Variants in MINK1 observed in about 807,000 individuals in gnomAD.
MINK1 encodes the protein misshapen-like kinase 1.
Under a neutral mutation model 178.4 loss-of-function variants are expected in MINK1, and 46 were observed. The observed-to-expected ratio is 0.26, with a 90% CI of 0.20 to 0.33. MINK1 has a LOEUF of 0.33. MINK1 is among the 10% of genes least tolerant of loss of function. The pLI is 1.00. For synonymous variants in MINK1, 797 were observed against 709.7 expected, an observed-to-expected ratio of 1.12 and a Z score of -1.96; for missense variants, 1,366 against 1,814.9, an observed-to-expected ratio of 0.75 and a Z score of 4.49.
chr17:4,895,584 G>A lies in MINK1; in HGVS notation c.3229+91G>A. On this transcript the variant is annotated intron_variant, in intron 26 of 31. Transcript: ENST00000355280. The surrounding 1 kb of genome is among the most constrained non-coding windows in gnomAD (Gnocchi z 4.3). Reference sequence around the variant, plus strand: ...CCTGGGAGGAGGGCAGGCACTGGAAGGTGGGGCCACACTTTCTCACCCCTT... The same window carrying A: ...CCTGGGAGGAGGGCAGGCACTGGAAAGTGGGGCCACACTTTCTCACCCCTT... 1.9e-6 allele frequency: 3 copies of A among 1,547,674 alleles called. No individual in the cohort carries two copies. In the South Asian group the frequency reaches 3.7e-5, roughly 19 times the overall value.
intron 1 of MINK1, chr17:4,871,108 A>G (rs780989706): frequency 3.8e-5 from 13 of 340,540 alleles, no homozygotes; most frequent in Admixed American, 3.0e-4. Flanking sequence ...TCATAAGCAT[A>G]ATGTCTTCAA....
chr17:4,860,056 G>C (rs555013118), intron 1 of MINK1, among the ~76,000 whole-genome samples: 1 of 145,004 alleles, frequency 6.9e-6, no homozygotes, highest in Non-Finnish European at 1.5e-5. Flanking sequence ...CGGGGTACAG[G>C]GGGAAGGGTC....
rs780162977 is a variant in MINK1 at position 4,895,381 on chromosome 17, G to T, written c.3117G>T (p.Gly1039=). Reference sequence around the variant, plus strand: ...ACCTGCTGGTGGGCACGGAGAACGGGCTGATGTTGCTGGACCGAAGTGGGC... The same window carrying T: ...ACCTGCTGGTGGGCACGGAGAACGGTCTGATGTTGCTGGACCGAAGTGGGC... The part of the protein sequence containing the change: ...GVNLLVGTEN[G]LMLLDRSGQG... The change falls in exon 26 of 32, where the codon GGG becomes GGT. Residue 1039 remains glycine (G), a synonymous_variant. Transcript: ENST00000355280. This position sits in a 1 kb window ranked among gnomAD's most constrained non-coding sequence, Gnocchi z 4.3. The T allele has an allele frequency of 1.2e-6, 2 of 1,609,682 alleles. No individual in the cohort carries two copies. The highest frequency in any genetic ancestry group is 2.7e-5 in the African/African-American group (2 of 74,884).
chr17:4,883,633 G>A (rs1345707861), intron 4 of MINK1, among the ~76,000 whole-genome samples: 8 of 150,710 alleles, frequency 5.3e-5, no homozygotes, highest in East Asian at 3.9e-4. Flanking sequence ...CCGGGTTCAC[G>A]CCGTTCTCCT....
intron 1 of MINK1, among the ~76,000 whole-genome samples, chr17:4,841,106 G>C (rs945150200): frequency 6.6e-6 from 1 of 152,144 alleles, no homozygotes; most frequent in Non-Finnish European, 1.5e-5. Flanking sequence ...GACAGGCGAC[G>C]TGGGGAGTGT....
At chr17:4,891,357 GAAGGGGCAGCTA>G in intron 15 of MINK1, 87 bp from the exon 16 acceptor site, 2 of 1,431,776 alleles carry the variant, frequency 1.4e-6, no homozygotes, top group Non-Finnish European at 1.9e-6. Flanking sequence ...TTCAATGGAG[GAAGGGGCAGCTA>G]AAGTCCTTTC....
intron 1 of MINK1, among the ~76,000 whole-genome samples, chr17:4,839,235 G>A (rs113428916): frequency 0.013 from 1,919 of 152,192 alleles, 37 homozygotes; most frequent in African/African-American, 0.043. Context: ...GAGCCACCGT[G>A]CCCGGCCTAG....
intron 15 of MINK1, 103 bp from the exon 16 acceptor site, chr17:4,891,353 G>A: frequency 7.0e-7 from 1 of 1,421,964 alleles, no homozygotes; most frequent in Non-Finnish European, 9.3e-7. Flanking sequence ...GTCCTTCAAT[G>A]GAGGAAGGGG....
chr17:4,840,261 C>G (rs1910009842), intron 1 of MINK1, among the ~76,000 whole-genome samples: 1 of 151,996 alleles, frequency 6.6e-6, no homozygotes, highest in Non-Finnish European at 1.5e-5. Context: ...TTGGGAGACT[C>G]TGGAATGGGG....
intron 1 of MINK1, chr17:4,844,596 G>A (rs1168730155): frequency 2.0e-6 from 1 of 509,440 alleles, no homozygotes; most frequent in South Asian, 1.4e-5. Context: ...ACAGGTGGTG[G>A]GTTGGCACTG....
rs1366454938 is a variant in MINK1 at position 4,889,642 on chromosome 17, C to T, written c.1231-5C>T. ...GTTCTTAAGACCACCTGGCTCTCCCCACAGCAACAGCGGCGGGAGCGGGAG... is the reference window on the plus strand; with the variant it reads ...GTTCTTAAGACCACCTGGCTCTCCCTACAGCAACAGCGGCGGGAGCGGGAG... On this transcript the variant is annotated splice_region_variant and splice_polypyrimidine_tract_variant and intron_variant, in intron 12 of 31. Coordinates refer to ENST00000355280, the MANE Select transcript of MINK1 (RefSeq NM_153827.5). 1.3e-6 allele frequency: 2 copies of T among 1,574,110 alleles called. No individual in the cohort carries two copies. The highest frequency in any genetic ancestry group is 1.7e-6 in the Non-Finnish European group (2 of 1,161,298).
At position 4,885,648 on chromosome 17, in the gene MINK1, C is replaced by T. The variant is rs759671763; in HGVS notation, c.639+35C>T. 6.2e-7 allele frequency: 1 copy of T among 1,612,548 alleles called. No homozygotes were observed. The stretch of plus-strand genomic sequence containing the variant: ...GGAAAGTTGGGAGCATGGGGGCTGC[C>T]AAGGGCGGGAAGCAATATGGGGACC... On this transcript the variant is annotated intron_variant, in intron 7 of 31. Transcript: ENST00000355280. The surrounding 1 kb of genome is among the most constrained non-coding windows in gnomAD (Gnocchi z 5.0).
chr17:4,880,279 G>C (rs1482942543), intron 2 of MINK1, among the ~76,000 whole-genome samples: 1 of 151,792 alleles, frequency 6.6e-6, no homozygotes, highest in Non-Finnish European at 1.5e-5. Flanking sequence ...CACAATGAGG[G>C]GTACTTGCTT....
Position 4,886,267 on chromosome 17 carries a change from C to A in MINK1, c.773+69C>A. ...ACAAGGCCATCCCCACCTTCATGCC[C>A]TCTGTGCTCAGGCTTGGATCTCACC... On this transcript the variant is annotated intron_variant, in intron 9 of 31. Transcript: ENST00000355280. The surrounding 1 kb of genome is among the most constrained non-coding windows in gnomAD (Gnocchi z 6.1). 6.4e-7 allele frequency: 1 copy of A among 1,567,964 alleles called. No individual in the cohort carries two copies. The highest frequency in any genetic ancestry group is 8.8e-7 in the Non-Finnish European group (1 of 1,138,300).
chr17:4,878,969 G>A (rs760181750), intron 2 of MINK1, among the ~76,000 whole-genome samples: 2 of 152,240 alleles, frequency 1.3e-5, no homozygotes, highest in Non-Finnish European at 2.9e-5. Flanking sequence ...GCTCACACTT[G>A]GATGGGGGGA....
intron 1 of MINK1, among the ~76,000 whole-genome samples, chr17:4,840,822 T>C (rs1445324672): frequency 6.6e-6 from 1 of 152,176 alleles, no homozygotes; most frequent in East Asian, 1.9e-4. Flanking sequence ...GCCACAAGTC[T>C]TGGGCTTCCT....
intron 1 of MINK1, among the ~76,000 whole-genome samples, chr17:4,842,087 G>A (rs949969771): frequency 9.9e-5 from 15 of 152,092 alleles, no homozygotes; most frequent in Non-Finnish European, 1.5e-4. Context: ...AGCCGGGCGC[G>A]GTGGTGGGCG....
chr17:4,876,485 C>G (rs995398620), intron 1 of MINK1, among the ~76,000 whole-genome samples: 2 of 152,200 alleles, frequency 1.3e-5, no homozygotes, highest in Non-Finnish European at 2.9e-5. Flanking sequence ...GGGCTGGTGT[C>G]TCTCTGGTCT....
At chr17:4,860,900 C>G in intron 1 of MINK1, 1 of 456,494 alleles carries the variant, frequency 2.2e-6, no homozygotes, top group Non-Finnish European at 4.5e-6. Flanking sequence ...AACTAATACA[C>G]TTGAAATAGT....
Sources: allele counts gnomAD v4.1 joint callset (sites outside exome capture counted in the v4.1 genomes callset), GRCh38; gene constraint gnomAD v4.1.1; non-coding constraint Gnocchi (gnomAD v3.1); transcripts MANE v1.5; gene names NCBI Gene and HGNC (gene_info 2026-07-23, HGNC 2026-07-21).